The following PUDP variants were observed in gnomAD, a reference collection of about 807,000 sequenced individuals.
PUDP encodes the protein pseudouridine 5'-phosphatase.
Under a neutral mutation model 9.4 loss-of-function variants are expected in PUDP, and 8 were observed. The ratio of observed to expected loss-of-function variants is 0.85; its 90% confidence interval spans 0.50 to 1.53. The LOEUF is 1.53. PUDP is among the 40% of genes most tolerant of loss of function. The probability of loss-of-function intolerance (pLI) is 0.00; values close to 1 mark genes in which losing one functional copy is unlikely to be tolerated. For synonymous variants in PUDP, 99 were observed against 80.7 expected, an observed-to-expected ratio of 1.23 and a Z score of -1.22; for missense variants, 188 against 189.7, an observed-to-expected ratio of 0.99 and a Z score of 0.05.
chrX:7,010,813 G>A (rs749780918), intron 1 of PUDP, among the ~76,000 whole-genome samples: 1 of 111,703 alleles, frequency 9.0e-6, no homozygotes, highest in East Asian at 2.8e-4. Context: ...TGCCCAGCCC[G>A]GCCTTCCTGG....
intron 3 of PUDP, among the ~76,000 whole-genome samples, chrX:6,728,869 A>G (rs1225612503): frequency 2.7e-5 from 3 of 111,363 alleles, no homozygotes; most frequent in African/African-American, 9.8e-5. Context: ...GCAGTGAGTC[A>G]TCAAGTCTCC....
At chrX:6,862,224 C>T (rs73627096) in intron 3 of PUDP, among the ~76,000 whole-genome samples, 95 of 111,938 alleles carry the variant, frequency 8.5e-4, no homozygotes, top group African/African-American at 2.9e-3. Flanking sequence ...GGAAAGACCA[C>T]CGGTCTATGG....
At chrX:7,083,853 A>G in intron 2 of PUDP, among the ~76,000 whole-genome samples, 1 of 107,071 alleles carries the variant, frequency 9.3e-6, no homozygotes, top group Non-Finnish European at 1.9e-5. Flanking sequence ...GTCAGCCGAG[A>G]TCACACCACT....
chrX:6,791,397 T>C (rs1025593534), intron 3 of PUDP, among the ~76,000 whole-genome samples: 2 of 109,863 alleles, frequency 1.8e-5, no homozygotes, highest in Non-Finnish European at 3.8e-5. Flanking sequence ...GGCAGAATAA[T>C]GGTCCCTTAA....
chrX:6,898,680 G>T (rs1927628249), intron 3 of PUDP, among the ~76,000 whole-genome samples: 1 of 112,450 alleles, frequency 8.9e-6, no homozygotes, highest in Non-Finnish European at 1.9e-5. Context: ...ACACAGAAAG[G>T]GATGGGGCAG....
intron 3 of PUDP, among the ~76,000 whole-genome samples, chrX:6,781,907 G>A (rs777241826): frequency 2.7e-5 from 3 of 112,333 alleles, no homozygotes; most frequent in Non-Finnish European, 5.6e-5. Flanking sequence ...TGGTGGTTAT[G>A]TACCTGAGCA....
chrX:6,801,139 C>A (rs1925925617), intron 3 of PUDP, among the ~76,000 whole-genome samples: 1 of 111,928 alleles, frequency 8.9e-6, no homozygotes, highest in Non-Finnish European at 1.9e-5. Flanking sequence ...TGCTCTGCAG[C>A]TACTTAAAAA....
intron 1 of PUDP, among the ~76,000 whole-genome samples, chrX:7,028,602 C>T (rs912484438): frequency 1.8e-5 from 2 of 111,336 alleles, no homozygotes; most frequent in Admixed American, 9.6e-5. Context: ...TGGAACGAGG[C>T]AGCAACAGAG....
chrX:6,714,990 T>C (rs1014496911), intron 1 of PUDP, among the ~76,000 whole-genome samples: 2 of 97,471 alleles, frequency 2.1e-5, no homozygotes, highest in African/African-American at 4.9e-5. Context: ...TGTATATATA[T>C]ATATGTGTGT....
At chrX:7,059,395 A>C (rs1295360882) in intron 3 of PUDP, among the ~76,000 whole-genome samples, 1 of 112,238 alleles carries the variant, frequency 8.9e-6, no homozygotes, top group Admixed American at 9.4e-5. Flanking sequence ...TGACTGTCTT[A>C]AAGTCAAAAA....
In PUDP at chrX:6,876,670, T is replaced by TGTGTGTGC. The variant is rs1363323746; in HGVS notation, c.*247+100462_*247+100463insGCACACAC. Reference sequence around the variant, plus strand: ...GTGTGTGTGTGTGTGTGTGTGTGTGTGTTTGTGTACACACATATGTACATA... The same window carrying TGTGTGTGC: ...GTGTGTGTGTGTGTGTGTGTGTGTGTGTGTGTGCGTTTGTGTACACACATATGTACATA... On this transcript the variant is annotated intron_variant and NMD_transcript_variant, in intron 3 of 3. Transcript: ENST00000655425. Among the ~76,000 whole-genome samples the TGTGTGTGC allele has an allele frequency of 2.2e-4, 24 of 108,539 alleles. No homozygotes were observed. The South Asian group carries it at 8.8e-3, about 40-fold the overall frequency. The allele number at this position is 108,539 out of a possible 115,157, so 94.3% of individuals were successfully genotyped here. A position where few individuals can be genotyped will look rare whatever the true frequency, so the allele number is the denominator to read the frequency against.
At chrX:7,084,455 G>C (rs1248959347) in intron 2 of PUDP, among the ~76,000 whole-genome samples, 1 of 111,977 alleles carries the variant, frequency 8.9e-6, no homozygotes, top group South Asian at 3.7e-4. Flanking sequence ...GGAATAGAAA[G>C]TGATTTCAGA....
intron 3 of PUDP, among the ~76,000 whole-genome samples, chrX:7,070,582 C>CT (rs775715448): frequency 7.3e-4 from 77 of 104,945 alleles, no homozygotes; most frequent in African/African-American, 7.6e-4. Flanking sequence ...CAAATATTAA[C>CT]TTTTTTTTTT....
At chrX:6,811,982 G>A (rs1275296105) in intron 3 of PUDP, among the ~76,000 whole-genome samples, 1 of 112,362 alleles carries the variant, frequency 8.9e-6, no homozygotes, top group Non-Finnish European at 1.9e-5. Flanking sequence ...GAAAATAGAA[G>A]GTACCAGGGG....
chrX:6,958,670 T>C (rs1218007771), intron 3 of PUDP, among the ~76,000 whole-genome samples: 2 of 104,043 alleles, frequency 1.9e-5, no homozygotes, highest in Non-Finnish European at 3.9e-5. Context: ...AAGCGGAGGT[T>C]GCAGTGAGCT....
chrX:6,820,577 T>C (rs1469779471), intron 3 of PUDP, among the ~76,000 whole-genome samples: 1 of 111,071 alleles, frequency 9.0e-6, no homozygotes, highest in Non-Finnish European at 1.9e-5. Context: ...ATGGGAGAAA[T>C]TGGCCAAAGC....
intron 1 of PUDP, among the ~76,000 whole-genome samples, chrX:7,029,885 G>A (rs1221310919): frequency 6.3e-5 from 7 of 111,266 alleles, no homozygotes; most frequent in Non-Finnish European, 9.4e-5. Context: ...TTGAGGCATT[G>A]AGAGTTTCAG....
chrX:6,998,347 G>T (rs762433390), intron 1 of PUDP, among the ~76,000 whole-genome samples: 2 of 111,652 alleles, frequency 1.8e-5, no homozygotes, highest in East Asian at 5.6e-4. Flanking sequence ...AGACTTGCTG[G>T]ACTAGATCAA....
At chrX:6,943,418 C>T (rs1860247821) in intron 3 of PUDP, among the ~76,000 whole-genome samples, 1 of 100,297 alleles carries the variant, frequency 1.0e-5, no homozygotes, top group African/African-American at 3.4e-5. Context: ...GGAGCTGTGA[C>T]TCAAAGATGT....
Sources: allele counts gnomAD v4.1 joint callset (sites outside exome capture counted in the v4.1 genomes callset), GRCh38; gene constraint gnomAD v4.1.1; transcripts MANE v1.5; gene names NCBI Gene and HGNC (gene_info 2026-07-23, HGNC 2026-07-21).